Variants in NRXN1 observed in about 807,000 individuals in gnomAD.
NRXN1 encodes the protein neurexin-1.
NRXN1 carries 39 observed loss-of-function variants against 150.9 expected under a neutral mutation model. That is an observed-to-expected ratio of 0.26 (90% CI 0.20 to 0.34). NRXN1 has a LOEUF of 0.34. Ranked by LOEUF, NRXN1 falls within the 10% of genes least tolerant of loss-of-function variation. NRXN1 has a pLI of 1.00. For missense variants in NRXN1, 1,815 were observed against 1,949.9 expected, an observed-to-expected ratio of 0.93 and a Z score of 1.30; for synonymous variants, 924 against 757.0, an observed-to-expected ratio of 1.22 and a Z score of -3.62.
At position 50,562,907 on chromosome 2, in the gene NRXN1, C is replaced by T. The variant is rs186327084; in HGVS notation, c.1321-9882G>A. On this transcript the variant is annotated intron_variant, in intron 8 of 22. Coordinates refer to ENST00000401669, the MANE Select transcript of NRXN1 (RefSeq NM_001330078.2). ...ATATATTCTAATGTGTGTTAGGCTCCTTCCAATCAACCAACCCATTAACAT... is the reference window on the plus strand; with the variant it reads ...ATATATTCTAATGTGTGTTAGGCTCTTTCCAATCAACCAACCCATTAACAT... Among the ~76,000 whole-genome samples, 532 of 152,100 alleles carry T rather than the reference C, an allele frequency of 3.5e-3. 2 individuals are homozygous for T. The highest frequency in any genetic ancestry group is 0.012 in the African/African-American group (506 of 41,512).
chr2:50,944,874 T>G (rs190803400), intron 2 of NRXN1, among the ~76,000 whole-genome samples: 3 of 152,218 alleles, frequency 2.0e-5, no homozygotes, highest in Non-Finnish European at 2.9e-5. Context: ...AATTAATGCA[T>G]AGGAATGCAT....
chr2:50,544,715 C>T (rs983145102), intron 9 of NRXN1, among the ~76,000 whole-genome samples: 2 of 152,080 alleles, frequency 1.3e-5, no homozygotes, highest in Admixed American at 6.6e-5. Context: ...ATTAAAATTA[C>T]AATTAATCCA....
chr2:50,138,877 C>T (rs1039994397), intron 18 of NRXN1, among the ~76,000 whole-genome samples: 1 of 152,164 alleles, frequency 6.6e-6, no homozygotes, highest in African/African-American at 2.4e-5. Flanking sequence ...TTTAATAACA[C>T]AGAATGTGTG....
intron 18 of NRXN1, among the ~76,000 whole-genome samples, chr2:50,104,471 T>C (rs895585683): frequency 6.6e-6 from 1 of 151,980 alleles, no homozygotes; most frequent in African/African-American, 2.4e-5. Flanking sequence ...ATGTAACTTA[T>C]TCAGTGTTTG....
chr2:49,970,360 A>T (rs963273100), intron 21 of NRXN1: 1 of 152,140 alleles, frequency 6.6e-6, no homozygotes, highest in Admixed American at 6.6e-5. Context: ...GTGATAATAC[A>T]CATAGTTTAT....
At chr2:49,944,258 G>A (rs777648462) in intron 21 of NRXN1, among the ~76,000 whole-genome samples, 12 of 152,164 alleles carry the variant, frequency 7.9e-5, no homozygotes, top group African/African-American at 2.9e-4. Flanking sequence ...GATATAGCTT[G>A]TTATTGGAGG....
chr2:50,946,290 G>A (rs1044728862), intron 2 of NRXN1, among the ~76,000 whole-genome samples: 14 of 152,106 alleles, frequency 9.2e-5, no homozygotes, highest in African/African-American at 1.2e-4. Flanking sequence ...TTGTCAAAAA[G>A]TTCTTGACAA....
chr2:50,775,260 A>G (rs1008851622), intron 5 of NRXN1, among the ~76,000 whole-genome samples: 1 of 152,162 alleles, frequency 6.6e-6, no homozygotes, highest in Non-Finnish European at 1.5e-5. Context: ...AGTAGCAGAC[A>G]GAATTGTTCT....
chr2:50,617,183 C>T (rs1015309445), intron 8 of NRXN1, among the ~76,000 whole-genome samples: 1 of 152,072 alleles, frequency 6.6e-6, no homozygotes, highest in African/African-American at 2.4e-5. Context: ...CCACGACACC[C>T]AGCACGTTGG....
At chr2:50,701,300 A>G (rs1693709894) in intron 5 of NRXN1, among the ~76,000 whole-genome samples, 1 of 152,080 alleles carries the variant, frequency 6.6e-6, no homozygotes, top group Non-Finnish European at 1.5e-5. Context: ...TATTGTCATT[A>G]TTATTATTAT....
chr2:50,455,967 C>A (rs1413069087), intron 17 of NRXN1, among the ~76,000 whole-genome samples: 1 of 152,126 alleles, frequency 6.6e-6, no homozygotes, highest in East Asian at 1.9e-4. Context: ...TTGAAAGCTT[C>A]CAAATAGAAC....
intron 17 of NRXN1, among the ~76,000 whole-genome samples, chr2:50,412,123 A>C (rs7587241): frequency 2.6e-5 from 4 of 151,688 alleles, no homozygotes; most frequent in East Asian, 3.9e-4. Context: ...CAGCATACTC[A>C]TTAAGTCATC....
chr2:50,427,745 T>C (rs1325164038), intron 17 of NRXN1, among the ~76,000 whole-genome samples: 1 of 152,242 alleles, frequency 6.6e-6, no homozygotes, highest in Non-Finnish European at 1.5e-5. Flanking sequence ...TGAACTTTCC[T>C]TTGGTTCTGT....
chr2:50,892,653 A>G (rs1251871558), intron 5 of NRXN1, among the ~76,000 whole-genome samples: 1 of 152,150 alleles, frequency 6.6e-6, no homozygotes, highest in Non-Finnish European at 1.5e-5. Context: ...AAACCTGCAA[A>G]CATTTAAAGT....
chr2:49,968,325 A>C (rs1380093100), intron 21 of NRXN1, among the ~76,000 whole-genome samples: 2 of 152,134 alleles, frequency 1.3e-5, no homozygotes, highest in Non-Finnish European at 2.9e-5. Flanking sequence ...GGCTAATTTT[A>C]ATGAATAAAG....
chr2:49,960,467 T>C (rs577297047), intron 21 of NRXN1, among the ~76,000 whole-genome samples: 3 of 152,212 alleles, frequency 2.0e-5, no homozygotes, highest in Non-Finnish European at 2.9e-5. Context: ...GCAAACACAG[T>C]TGTACTCCCA....
intron 15 of NRXN1, 49 bp downstream of exon 15, chr2:50,495,856 G>C (rs1363188017): frequency 6.8e-7 from 1 of 1,479,172 alleles, no homozygotes; most frequent in Admixed American, 2.2e-5. Context: ...CCATGTGAAG[G>C]GAGACCGTGT....
rs367858448 is a variant in NRXN1 at position 50,216,250 on chromosome 2, C to T, written c.3546+20539G>A. 3.3e-3 allele frequency among the ~76,000 whole-genome samples: 497 copies of T among 151,964 alleles called. 2 individuals are homozygous for T. Among genetic ancestry groups the T allele is most frequent in the African/African-American group, 0.011 (470 of 41,480 alleles). Reference sequence around the variant, plus strand: ...ATAAATAATTAAATTAAATTAAATACTTCAGTGTCAAATGAGTTAATTATC... The same window carrying T: ...ATAAATAATTAAATTAAATTAAATATTTCAGTGTCAAATGAGTTAATTATC... On this transcript the variant is annotated intron_variant, in intron 18 of 22. Transcript: ENST00000401669.
In NRXN1 at chr2:50,468,177, T is replaced by C. The variant is rs929854707; in HGVS notation, c.3245-2616A>G. ...AAGCAAGAACTAATGAAGATCCAGATTTTGGTTTTTGTTTTTTCAAAAATT... is the reference window on the plus strand; with the variant it reads ...AAGCAAGAACTAATGAAGATCCAGACTTTGGTTTTTGTTTTTTCAAAAATT... On this transcript the variant is annotated intron_variant, in intron 16 of 22. Transcript: ENST00000401669. Among the ~76,000 whole-genome samples, 10 of 151,528 alleles carry C rather than the reference T, an allele frequency of 6.6e-5. 1 individual carries two copies. In the South Asian group the frequency reaches 1.0e-3, roughly 16 times the overall value.
Sources: allele counts gnomAD v4.1 joint callset (sites outside exome capture counted in the v4.1 genomes callset), GRCh38; gene constraint gnomAD v4.1.1; transcripts MANE v1.5; gene names NCBI Gene and HGNC (gene_info 2026-07-23, HGNC 2026-07-21).